Variants in LHCGR observed in about 807,000 individuals in gnomAD.
LHCGR encodes lutropin-choriogonadotropic hormone receptor.
In LHCGR, 55 loss-of-function variants were observed where a neutral mutation model predicts 60.7. That is an observed-to-expected ratio of 0.91 (90% CI 0.73 to 1.13). The LOEUF (loss-of-function observed/expected upper bound fraction) is 1.13. Among genes scored for constraint, LHCGR ranks in the 50% most tolerant of loss-of-function variants. The pLI is 0.00. For synonymous variants in LHCGR, 337 were observed against 316.5 expected, an observed-to-expected ratio of 1.06 and a Z score of -0.69; for missense variants, 862 against 836.0, an observed-to-expected ratio of 1.03 and a Z score of -0.38.
intron 2 of LHCGR, among the ~76,000 whole-genome samples, chr2:48,730,645 C>G (rs1049873032): frequency 6.6e-6 from 1 of 152,178 alleles, no homozygotes; most frequent in Non-Finnish European, 1.5e-5. Context: ...TGAGAACATT[C>G]TCTCTCCAAG....
At chr2:48,713,896 T>G in intron 7 of LHCGR, 90 bp downstream of exon 7, 3 of 1,038,998 alleles carry the variant, frequency 2.9e-6, no homozygotes, top group Non-Finnish European at 4.5e-6. Flanking sequence ...ATTTTTGCCC[T>G]GAGTTAGTTG....
chr2:48,755,002 A>G (rs566753703), intron 1 of LHCGR, among the ~76,000 whole-genome samples: 62 of 152,180 alleles, frequency 4.1e-4, no homozygotes, highest in African/African-American at 1.4e-3. Flanking sequence ...TGTGCTCACT[A>G]AGATGCCCGT....
chr2:48,751,575 G>C (rs1432987065), intron 1 of LHCGR, among the ~76,000 whole-genome samples: 7 of 152,184 alleles, frequency 4.6e-5, no homozygotes, highest in African/African-American at 1.7e-4. Context: ...TCTTGGGGGT[G>C]TGTTTCCACT....
chr2:48,709,103 C>A, intron 7 of LHCGR, 81 bp from the exon 8 acceptor site: 1 of 1,061,460 alleles, frequency 9.4e-7, no homozygotes. Context: ...ATGTTTAGAC[C>A]AAGCTATGTG....
chr2:48,688,702 C>G lies in LHCGR; in HGVS notation c.1095G>C (p.Leu365=), dbSNP rs74447072. The change falls in exon 11 of 11, where the codon CTG becomes CTC. Residue 365 remains leucine (L), a synonymous_variant. Coordinates refer to ENST00000294954, the MANE Select transcript of LHCGR (RefSeq NM_000233.4). This position sits in a 1 kb window ranked among gnomAD's most constrained non-coding sequence, Gnocchi z 5.2. Reference sequence around the variant, plus strand: ...TGGCTAGAATATTAATCAGCCAAATCAGGACCCTAAGGAAGTCATAGCCCA... The same window carrying G: ...TGGCTAGAATATTAATCAGCCAAATGAGGACCCTAAGGAAGTCATAGCCCA... The part of the protein sequence containing the change: ...DIMGYDFLRV[L]IWLINILAIM... 1.8e-5 allele frequency: 29 copies of G among 1,614,174 alleles called. No individual in the cohort carries two copies. In the East Asian group the frequency reaches 6.5e-4, roughly 36 times the overall value.
intron 8 of LHCGR, among the ~76,000 whole-genome samples, chr2:48,702,864 T>C (rs1239144840): frequency 6.6e-6 from 1 of 152,236 alleles, no homozygotes; most frequent in African/African-American, 2.4e-5. Flanking sequence ...TCCACAATGA[T>C]TGAACTAATT....
chr2:48,713,511 G>C (rs115302995), intron 7 of LHCGR, among the ~76,000 whole-genome samples: 3 of 152,162 alleles, frequency 2.0e-5, no homozygotes, highest in Non-Finnish European at 2.9e-5. Flanking sequence ...AAAACACAAA[G>C]CTCCCTACCT....
chr2:48,708,765 G>T, intron 8 of LHCGR, 183 bp downstream of exon 8: 1 of 659,478 alleles, frequency 1.5e-6, no homozygotes. Flanking sequence ...TGTTGTCTAA[G>T]CCTCTCGGTT....
In LHCGR at chr2:48,737,371, G is replaced by A. The variant is rs186302432; in HGVS notation, c.162-6073C>T. Among the ~76,000 whole-genome samples, 22 of 152,310 alleles carry A rather than the reference G, an allele frequency of 1.4e-4. No homozygotes were observed. In the East Asian group the frequency reaches 3.7e-3, roughly 25 times the overall value. On this transcript the variant is annotated intron_variant, in intron 1 of 10. Transcript: ENST00000294954. ...AGCTTTTTTGCCTAATGAACTTGTT[G>A]AAATGGGAAGAGGTTTATTTAATTA...
intron 8 of LHCGR, among the ~76,000 whole-genome samples, chr2:48,702,446 A>T (rs1225073070): frequency 6.6e-6 from 1 of 151,408 alleles, no homozygotes; most frequent in African/African-American, 2.4e-5. Flanking sequence ...CTGGTGTGTG[A>T]TGTTCCCCCT....
intron 1 of LHCGR, among the ~76,000 whole-genome samples, chr2:48,740,333 G>C (rs1669388723): frequency 1.3e-5 from 2 of 152,166 alleles, no homozygotes. Context: ...ACTGGGTGGA[G>C]CCCACCACAG....
chr2:48,701,496 G>T (rs994243098), intron 8 of LHCGR, among the ~76,000 whole-genome samples: 32 of 152,142 alleles, frequency 2.1e-4, no homozygotes, highest in African/African-American at 7.2e-4. Flanking sequence ...CACTTTTCCT[G>T]CAGATAATCA....
intron 3 of LHCGR, among the ~76,000 whole-genome samples, chr2:48,727,103 T>C (rs983648676): frequency 5.3e-5 from 8 of 152,096 alleles, no homozygotes; most frequent in Non-Finnish European, 1.2e-4. Context: ...TAGAGCCTTA[T>C]GTGGGTGGGA....
intron 1 of LHCGR, among the ~76,000 whole-genome samples, chr2:48,739,649 C>T (rs1669348148): frequency 6.8e-6 from 1 of 147,608 alleles, no homozygotes; most frequent in African/African-American, 2.5e-5. Flanking sequence ...ACATCACACA[C>T]TGGGGCCTGT....
At chr2:48,741,524 G>A (rs1454061038) in intron 1 of LHCGR, among the ~76,000 whole-genome samples, 2 of 151,916 alleles carry the variant, frequency 1.3e-5, no homozygotes, top group African/African-American at 4.8e-5. Flanking sequence ...AGAAGAGAGT[G>A]GGGGCCAATA....
At chr2:48,731,756 T>C (rs1038059389) in intron 1 of LHCGR, among the ~76,000 whole-genome samples, 1 of 152,168 alleles carries the variant, frequency 6.6e-6, no homozygotes, top group African/African-American at 2.4e-5. Context: ...ATAGACTTGA[T>C]TGGGAAGATG....
intron 1 of LHCGR, among the ~76,000 whole-genome samples, chr2:48,739,980 G>A (rs1669364358): frequency 6.6e-6 from 1 of 152,340 alleles, no homozygotes; most frequent in South Asian, 2.1e-4. Context: ...GTCAGTGGGT[G>A]CGTGCACCAT....
At chr2:48,739,156 G>C (rs1356212615) in intron 1 of LHCGR, among the ~76,000 whole-genome samples, 3 of 152,176 alleles carry the variant, frequency 2.0e-5, no homozygotes, top group Admixed American at 2.0e-4. Flanking sequence ...AAAAAGTCAG[G>C]AAACAACAGA....
chr2:48,752,371 G>A (rs1016722483), intron 1 of LHCGR, among the ~76,000 whole-genome samples: 1 of 152,120 alleles, frequency 6.6e-6, no homozygotes, highest in African/African-American at 2.4e-5. Flanking sequence ...TCTATTGAGG[G>A]ACTAATGCTG....
Sources: gnomAD v4.1 joint callset for allele counts (sites outside exome capture counted in the v4.1 genomes callset) on GRCh38, gnomAD v4.1.1 for gene constraint, Gnocchi (gnomAD v3.1) non-coding constraint, MANE v1.5 for transcripts, NCBI Gene and HGNC (gene_info 2026-07-23, HGNC 2026-07-21) for gene names.